ABRACL: variants seen among roughly 807,000 people sequenced by gnomAD.
ABRACL encodes the protein ABRA C-terminal like.
Under a neutral mutation model 7.0 loss-of-function variants are expected in ABRACL, and 4 were observed. That is an observed-to-expected ratio of 0.57 (90% confidence interval 0.28 to 1.30). The LOEUF (loss-of-function observed/expected upper bound fraction) is 1.30. ABRACL is among the 50% of genes most tolerant of loss of function. The pLI, the probability that ABRACL is intolerant of heterozygous loss-of-function variation, is 0.10. For synonymous variants in ABRACL, 30 were observed against 36.0 expected (o/e 0.83, Z 0.60); for missense variants, 104 against 97.3 (o/e 1.07, Z -0.29).
At chr6:139,034,505 AT>A (rs1310263642) in intron 2 of ABRACL, 6 of 1,247,818 alleles carry the variant, frequency 4.8e-6, no homozygotes, top group African/African-American at 1.5e-5. Flanking sequence ...CTGCATTGAA[AT>A]TTGGTAATTG....
chr6:139,029,536 G>T (rs1233148898), intron 1 of ABRACL, among the ~76,000 whole-genome samples: 2 of 152,066 alleles, frequency 1.3e-5, no homozygotes, highest in Non-Finnish European at 2.9e-5. Context: ...GGGCGCCAGC[G>T]GTGCCGCCCC....
At chr6:139,037,084 A>C (rs1278930370) in intron 2 of ABRACL, among the ~76,000 whole-genome samples, 1 of 152,098 alleles carries the variant, frequency 6.6e-6, no homozygotes, top group African/African-American at 2.4e-5. Flanking sequence ...TGGTCCCTTC[A>C]AAATAGATTA....
rs116480849 is a variant in ABRACL at position 139,037,600 on chromosome 6, T to C, written c.61+3379T>C. Among the ~76,000 whole-genome samples, 1,461 of 152,090 alleles carry C rather than the reference T, an allele frequency of 9.6e-3. 22 individuals carry two copies. The highest frequency in any genetic ancestry group is 0.034 in the African/African-American group (1,393 of 41,482). On this transcript the variant is annotated intron_variant, in intron 2 of 2. Coordinates refer to ENST00000367660, the MANE Select transcript of ABRACL (RefSeq NM_021243.3). ...TTCCTAATCAAAGAAATCAACAGTCTTCCCTAACTCAATTTTTCTCCCACG... is the reference window on the plus strand; with the variant it reads ...TTCCTAATCAAAGAAATCAACAGTCCTCCCTAACTCAATTTTTCTCCCACG...
chr6:139,040,362 C>A (rs533011075), intron 2 of ABRACL, among the ~76,000 whole-genome samples: 1 of 152,088 alleles, frequency 6.6e-6, no homozygotes, highest in Non-Finnish European at 1.5e-5. Flanking sequence ...GTGGAATCAC[C>A]CAAACATTTG....
At chr6:139,038,176 G>A (rs1786193122) in intron 2 of ABRACL, among the ~76,000 whole-genome samples, 1 of 152,058 alleles carries the variant, frequency 6.6e-6, no homozygotes, top group Admixed American at 6.5e-5. Flanking sequence ...AGTGTTTATT[G>A]GTCATATTCA....
chr6:139,030,782 A>G (rs1786070516), intron 1 of ABRACL, among the ~76,000 whole-genome samples: 1 of 152,220 alleles, frequency 6.6e-6, no homozygotes, highest in South Asian at 2.1e-4. Flanking sequence ...ACGATGTGGT[A>G]GAGACAGCAT....
At chr6:139,031,920 A>T (rs1786086630) in intron 1 of ABRACL, among the ~76,000 whole-genome samples, 1 of 152,106 alleles carries the variant, frequency 6.6e-6, no homozygotes, top group South Asian at 2.1e-4. Flanking sequence ...GGGCAGACAA[A>T]ACAACAGTTG....
intron 2 of ABRACL, chr6:139,034,529 A>G (rs994058086): frequency 2.1e-5 from 22 of 1,032,978 alleles, no homozygotes; most frequent in Non-Finnish European, 2.8e-5. Flanking sequence ...TCATGTTCAA[A>G]TTTTTACTTG....
chr6:139,041,217 C>T (rs1210091368), intron 2 of ABRACL, among the ~76,000 whole-genome samples: 1 of 151,932 alleles, frequency 6.6e-6, no homozygotes, highest in Admixed American at 6.6e-5. Flanking sequence ...CATTCTTGCC[C>T]AAAGACATCT....
At position 139,039,765 on chromosome 6, in the gene ABRACL, T is replaced by C. The variant is rs146801749; in HGVS notation, c.62-2954T>C. On this transcript the variant is annotated intron_variant, in intron 2 of 2. Coordinates refer to ENST00000367660, the MANE Select transcript of ABRACL (RefSeq NM_021243.3). ...GCAAGGCCAGAGGATGAAGAGCCTC[T>C]TCTGTGAGGCCATGGACTTCCCTTT... is the stretch of plus-strand genomic sequence containing the variant. Among the ~76,000 whole-genome samples, 622 of 152,212 alleles carry C rather than the reference T, an allele frequency of 4.1e-3. 4 individuals carry two copies. Among genetic ancestry groups the C allele is most frequent in the African/African-American group, 0.014 (585 of 41,534 alleles).
chr6:139,040,375 A>G (rs1449605101), intron 2 of ABRACL, among the ~76,000 whole-genome samples: 1 of 152,212 alleles, frequency 6.6e-6, no homozygotes, highest in African/African-American at 2.4e-5. Context: ...AACATTTGTC[A>G]GATTGAGGGG....
chr6:139,031,090 G>A (rs1255694578), intron 1 of ABRACL, among the ~76,000 whole-genome samples: 1 of 152,196 alleles, frequency 6.6e-6, no homozygotes, highest in Non-Finnish European at 1.5e-5. Flanking sequence ...GAAGAAGGGT[G>A]TTAAAGAGAT....
intron 1 of ABRACL, among the ~76,000 whole-genome samples, chr6:139,033,156 G>A (rs572912072): frequency 1.5e-3 from 233 of 152,334 alleles, no homozygotes; most frequent in African/African-American, 5.2e-3. Flanking sequence ...GAAGGCTGGA[G>A]GTGAGAGAGC....
intron 2 of ABRACL, among the ~76,000 whole-genome samples, chr6:139,036,304 T>TGGCAGG (rs1562219665): frequency 1.3e-5 from 2 of 152,124 alleles, no homozygotes; most frequent in African/African-American, 4.8e-5. Context: ...TAATCTAGGA[T>TGGCAGG]ACCTTCCTGT....
intron 2 of ABRACL, among the ~76,000 whole-genome samples, chr6:139,037,641 A>C (rs537157185): frequency 6.6e-6 from 1 of 151,770 alleles, no homozygotes; most frequent in Non-Finnish European, 1.5e-5. Context: ...CACCACACCC[A>C]CTTGATGGAG....
At chr6:139,036,430 T>C (rs1312656089) in intron 2 of ABRACL, among the ~76,000 whole-genome samples, 2 of 152,088 alleles carry the variant, frequency 1.3e-5, no homozygotes, top group African/African-American at 2.4e-5. Context: ...TTCCTACTAT[T>C]CCCTCTTTTT....
At chr6:139,037,900 C>T (rs1360735522) in intron 2 of ABRACL, among the ~76,000 whole-genome samples, 1 of 151,826 alleles carries the variant, frequency 6.6e-6, no homozygotes, top group Non-Finnish European at 1.5e-5. Context: ...CCTCAGCCTC[C>T]TGAGTAGCTG....
At chr6:139,042,295 C>T (rs1170214489) in intron 2 of ABRACL, among the ~76,000 whole-genome samples, 5 of 152,164 alleles carry the variant, frequency 3.3e-5, no homozygotes. Context: ...TAAGGAGCCC[C>T]CCACTCCCAC....
chr6:139,034,115 G>C, intron 1 of ABRACL, 40 bp from the exon 2 acceptor site: 1 of 1,613,094 alleles, frequency 6.2e-7, no homozygotes, highest in Non-Finnish European at 8.5e-7. Context: ...TTAATGGAAT[G>C]TAATGGTGAT....
Sources: allele counts gnomAD v4.1 joint callset (sites outside exome capture counted in the v4.1 genomes callset), GRCh38; gene constraint gnomAD v4.1.1; transcripts MANE v1.5; gene names NCBI Gene and HGNC (gene_info 2026-07-23, HGNC 2026-07-21).